The following MSRA variants were observed in gnomAD, a reference collection of about 807,000 sequenced individuals.
The protein encoded by MSRA is methionine sulfoxide reductase A.
In MSRA, 54 loss-of-function variants were observed where a neutral mutation model predicts 31.3. The ratio of observed to expected loss-of-function variants is 1.73; its 90% CI spans 1.39 to 2.17. MSRA has a LOEUF of 2.17. MSRA is among the 30% of genes most tolerant of loss of function. The pLI, the probability that MSRA is intolerant of heterozygous loss-of-function variation, is 0.00. For missense variants in MSRA, 507 were observed against 300.9 expected (o/e 1.69, Z -5.07); for synonymous variants, 169 against 116.5 (o/e 1.45, Z -2.90).
chr8:10,139,167 A>G (rs1458569177), intron 1 of MSRA, among the ~76,000 whole-genome samples: 2 of 152,182 alleles, frequency 1.3e-5, no homozygotes, highest in East Asian at 3.8e-4. Flanking sequence ...TGAATTTTTC[A>G]CTGTTGATAT....
chr8:10,136,594 C>T (rs1221134961), intron 1 of MSRA, among the ~76,000 whole-genome samples: 1 of 152,208 alleles, frequency 6.6e-6, no homozygotes, highest in Non-Finnish European at 1.5e-5. Context: ...TGGGCCTGTA[C>T]ATTGTAGCAT....
intron 1 of MSRA, among the ~76,000 whole-genome samples, chr8:10,103,019 C>G (rs1364627990): frequency 1.3e-5 from 2 of 152,136 alleles, no homozygotes; most frequent in African/African-American, 2.4e-5. Context: ...TCTTTAATCA[C>G]TAGCTACCCA....
At chr8:10,295,187 A>G (rs1445903644) in intron 3 of MSRA, among the ~76,000 whole-genome samples, 1 of 152,038 alleles carries the variant, frequency 6.6e-6, no homozygotes, top group Admixed American at 6.5e-5. Context: ...ACGTTCTCAG[A>G]TAAGTTCCGG....
intron 2 of MSRA, among the ~76,000 whole-genome samples, chr8:10,211,422 A>G (rs1238402342): frequency 6.6e-6 from 1 of 152,112 alleles, no homozygotes; most frequent in Non-Finnish European, 1.5e-5. Flanking sequence ...CCTTTTGGAC[A>G]ATGAGAACGA....
chr8:10,335,306 C>T (rs956481120), intron 5 of MSRA, among the ~76,000 whole-genome samples: 4 of 127,288 alleles, frequency 3.1e-5, no homozygotes, highest in South Asian at 2.7e-4. Context: ...GGCCCTGTGA[C>T]CCTTTCTACT....
At position 10,171,948 on chromosome 8, in the gene MSRA, A is replaced by C. The variant is rs143548732; in HGVS notation, c.143-35885A>C. Among the ~76,000 whole-genome samples the C allele has an allele frequency of 1.3e-3, 192 of 152,372 alleles. 1 individual carries two copies. The highest frequency in any genetic ancestry group is 4.3e-3 in the African/African-American group (178 of 41,588). On this transcript the variant is annotated intron_variant, in intron 1 of 5. Transcript: ENST00000317173. ...GAATGCACTATGTGAAGTCTGAAGT[A>C]TCTGAAGTAGGTAATGGAACCAGAG...
At chr8:10,403,130 G>C (rs1807568222) in intron 5 of MSRA, among the ~76,000 whole-genome samples, 1 of 152,184 alleles carries the variant, frequency 6.6e-6, no homozygotes, top group African/African-American at 2.4e-5. Context: ...CAAATTATAA[G>C]CCACAGATTA....
At chr8:10,067,007 G>C (rs2661750) in intron 1 of MSRA, among the ~76,000 whole-genome samples, 34,158 of 151,726 alleles carry the variant, frequency 0.23, 4,115 homozygotes, top group Admixed American at 0.31. Context: ...AGCCAATATA[G>C]ATACATTATT....
At chr8:10,212,474 A>G (rs1167269260) in intron 2 of MSRA, among the ~76,000 whole-genome samples, 1 of 152,242 alleles carries the variant, frequency 6.6e-6, no homozygotes, top group African/African-American at 2.4e-5. Flanking sequence ...AATTGCAATG[A>G]CATAGATTGG....
intron 5 of MSRA, among the ~76,000 whole-genome samples, chr8:10,396,535 G>C (rs1174339917): frequency 6.6e-6 from 1 of 152,146 alleles, no homozygotes; most frequent in African/African-American, 2.4e-5. Flanking sequence ...AGTGTGTCCT[G>C]GCTATTAAAC....
intron 1 of MSRA, among the ~76,000 whole-genome samples, chr8:10,088,329 T>A (rs1483594454): frequency 1.3e-5 from 2 of 152,164 alleles, no homozygotes; most frequent in Non-Finnish European, 2.9e-5. Context: ...ATTCCTCTTC[T>A]GGGAATATAG....
intron 1 of MSRA, among the ~76,000 whole-genome samples, chr8:10,173,863 T>C (rs911830550): frequency 1.3e-5 from 2 of 152,210 alleles, no homozygotes; most frequent in African/African-American, 2.4e-5. Flanking sequence ...AGCATTTGTC[T>C]GCTGCATAAA....
chr8:10,251,626 G>C (rs1797921170), intron 3 of MSRA, among the ~76,000 whole-genome samples: 1 of 152,152 alleles, frequency 6.6e-6, no homozygotes, highest in African/African-American at 2.4e-5. Flanking sequence ...TTCAAGAGCA[G>C]AGACCCTTGA....
At chr8:10,149,222 A>C (rs1014087466) in intron 1 of MSRA, among the ~76,000 whole-genome samples, 1 of 151,972 alleles carries the variant, frequency 6.6e-6, no homozygotes, top group South Asian at 2.1e-4. Context: ...CCCGGGTTCA[A>C]GCAATTCTCC....
chr8:10,401,867 G>A, intron 5 of MSRA, among the ~76,000 whole-genome samples: 1 of 152,162 alleles, frequency 6.6e-6, no homozygotes, highest in East Asian at 1.9e-4. Flanking sequence ...AATTCATAGA[G>A]ATAGAAAATG....
chr8:10,304,732 G>C (rs577605843), intron 4 of MSRA, among the ~76,000 whole-genome samples: 2 of 152,170 alleles, frequency 1.3e-5, no homozygotes, highest in African/African-American at 2.4e-5. Flanking sequence ...CACAGTAAAA[G>C]TTGGTCTTGA....
chr8:10,393,142 C>T (rs1228533149), intron 5 of MSRA, among the ~76,000 whole-genome samples: 1 of 151,592 alleles, frequency 6.6e-6, no homozygotes, highest in African/African-American at 2.4e-5. Flanking sequence ...TTGTCCACTG[C>T]TGCTCCTTGA....
intron 3 of MSRA, among the ~76,000 whole-genome samples, chr8:10,274,104 G>T (rs192509255): frequency 6.6e-6 from 1 of 152,130 alleles, no homozygotes; most frequent in African/African-American, 2.4e-5. Flanking sequence ...GGCAAAGGAC[G>T]CAATTTACAA....
At chr8:10,223,894 T>A (rs531065550) in intron 2 of MSRA, among the ~76,000 whole-genome samples, 9 of 152,268 alleles carry the variant, frequency 5.9e-5, no homozygotes, top group African/African-American at 1.9e-4. Flanking sequence ...CCGAATTCCT[T>A]TTAGAACAAA....
Sources: allele counts gnomAD v4.1 joint callset (sites outside exome capture counted in the v4.1 genomes callset), GRCh38; gene constraint gnomAD v4.1.1; transcripts MANE v1.5; gene names NCBI Gene and HGNC (gene_info 2026-07-23, HGNC 2026-07-21).